The following MGAT4C variants were observed in gnomAD, a reference collection of about 807,000 sequenced individuals.
The protein encoded by MGAT4C is MGAT4 family member C.
In MGAT4C, 19 loss-of-function variants were observed where a neutral mutation model predicts 40.1. The observed-to-expected ratio is 0.47, with a 90% CI of 0.33 to 0.70. The LOEUF (loss-of-function observed/expected upper bound fraction) is 0.70, where lower values mean the gene tolerates loss of function less well. Ranked by LOEUF, MGAT4C falls within the 30% of genes least tolerant of loss-of-function variation. The pLI is 0.02. For missense variants in MGAT4C, 491 were observed against 563.2 expected, an observed-to-expected ratio of 0.87 and a Z score of 1.30; for synonymous variants, 181 against 187.1, an observed-to-expected ratio of 0.97 and a Z score of 0.27.
At chr12:85,997,111 T>C (rs935100996) in intron 2 of MGAT4C, among the ~76,000 whole-genome samples, 9 of 152,174 alleles carry the variant, frequency 5.9e-5, no homozygotes, top group Non-Finnish European at 1.0e-4. Context: ...ACAATCATGG[T>C]GGAAGGCAAG....
chr12:86,014,378 C>T (rs1055642068), intron 2 of MGAT4C, among the ~76,000 whole-genome samples: 1 of 152,080 alleles, frequency 6.6e-6, no homozygotes, highest in African/African-American at 2.4e-5. Context: ...AGATCTTGAT[C>T]CATTTCCAGC....
chr12:86,196,522 TA>T (rs1473371258), intron 1 of MGAT4C, among the ~76,000 whole-genome samples: 19 of 152,168 alleles, frequency 1.2e-4, no homozygotes, highest in African/African-American at 4.3e-4. Flanking sequence ...GTGATGGGAG[TA>T]GCAACTGTGC....
intron 2 of MGAT4C, among the ~76,000 whole-genome samples, chr12:86,027,342 A>T (rs1462349945): frequency 6.6e-6 from 1 of 151,876 alleles, no homozygotes; most frequent in Admixed American, 6.6e-5. Context: ...AAGATAATTT[A>T]AAATTTTTAT....
At chr12:86,747,046 A>G (rs971064318) in intron 1 of MGAT4C, among the ~76,000 whole-genome samples, 1 of 151,578 alleles carries the variant, frequency 6.6e-6, no homozygotes, top group South Asian at 2.1e-4. Flanking sequence ...GGGTGGCACT[A>G]AACTTGGAAC....
intron 4 of MGAT4C, among the ~76,000 whole-genome samples, chr12:86,266,675 T>C (rs1463026404): frequency 2.0e-5 from 3 of 152,194 alleles, no homozygotes; most frequent in Non-Finnish European, 2.9e-5. Flanking sequence ...AAAAATTCCC[T>C]CTTCCTCAAT....
chr12:86,751,113 G>C (rs1951225652), intron 1 of MGAT4C, among the ~76,000 whole-genome samples: 1 of 151,960 alleles, frequency 6.6e-6, no homozygotes, highest in African/African-American at 2.4e-5. Context: ...AACCAATGGA[G>C]GGAATGGGTT....
At chr12:86,244,998 G>A (rs1951963886) in intron 1 of MGAT4C, among the ~76,000 whole-genome samples, 1 of 152,068 alleles carries the variant, frequency 6.6e-6, no homozygotes, top group African/African-American at 2.4e-5. Flanking sequence ...AGGCAACTGG[G>A]GCACAGAGAA....
intron 1 of MGAT4C, among the ~76,000 whole-genome samples, chr12:86,211,710 C>T (rs1389702000): frequency 2.0e-5 from 3 of 152,116 alleles, no homozygotes; most frequent in African/African-American, 7.2e-5. Context: ...AAGTTCTAAC[C>T]ATTTCCCTTG....
In MGAT4C at chr12:85,965,782, G is replaced by T. The variant is rs1183202231; in HGVS notation, c.*13507C>A. 6.6e-6 allele frequency: 1 copy of T among 151,928 alleles called. No homozygotes were observed. Among genetic ancestry groups the T allele is most frequent in the Non-Finnish European group, 1.5e-5 (1 of 67,974 alleles). 9.4% of individuals were successfully genotyped at this position (151,928 alleles called of 1,614,324 possible). Reference sequence around the variant, plus strand: ...TGGTTTAACTTAAAAACTTAGAATTGTCAATTCTGTCCAAGTCTCTGAGTC... The same window carrying T: ...TGGTTTAACTTAAAAACTTAGAATTTTCAATTCTGTCCAAGTCTCTGAGTC... On this transcript the variant is annotated 3_prime_UTR_variant, in exon 5 of 5. Transcript: ENST00000611864.
At position 86,115,273 on chromosome 12, in the gene MGAT4C, G is replaced by C. The variant is rs115623852; in HGVS notation, c.-56-65550C>G. 2.7e-3 allele frequency among the ~76,000 whole-genome samples: 413 copies of C among 151,944 alleles called. 2 individuals carry two copies. The highest frequency in any genetic ancestry group is 9.2e-3 in the African/African-American group (380 of 41,484). ...ATAATGATATTTTATGGATAAAAAA[G>C]GTTCACTGAGATTAAGAACAAACTG... On this transcript the variant is annotated intron_variant, in intron 1 of 4. Transcript: ENST00000611864.
intron 3 of MGAT4C, among the ~76,000 whole-genome samples, chr12:86,357,824 C>T (rs1040038871): frequency 6.6e-6 from 1 of 152,062 alleles, no homozygotes; most frequent in African/African-American, 2.4e-5. Flanking sequence ...AAACATGGGA[C>T]TATGTGAAAA....
intron 3 of MGAT4C, among the ~76,000 whole-genome samples, chr12:86,421,752 G>A (rs572394859): frequency 6.6e-6 from 1 of 152,276 alleles, no homozygotes; most frequent in South Asian, 2.1e-4. Flanking sequence ...ACTCCAGCCT[G>A]GGCGACAAGA....
In MGAT4C at chr12:86,592,924, G is replaced by T. The variant is rs191129358; in HGVS notation, c.-229+134285C>A. Among the ~76,000 whole-genome samples, 354 of 152,246 alleles carry T rather than the reference G, an allele frequency of 2.3e-3. 1 individual carries two copies. Among genetic ancestry groups the T allele is most frequent in the Non-Finnish European group, 3.2e-3 (216 of 68,012 alleles). ...ATATCAACTGTTGGATTGAAAAGTT[G>T]CATAGCAGTCATTTGTGAACACAAA... On this transcript the variant is annotated intron_variant, in intron 2 of 7. Coordinates refer to the MGAT4C transcript ENST00000548651.
intron 2 of MGAT4C, among the ~76,000 whole-genome samples, chr12:86,681,600 T>C (rs1180513603): frequency 6.6e-6 from 1 of 151,992 alleles, no homozygotes; most frequent in Non-Finnish European, 1.5e-5. Context: ...TAGGAAATTT[T>C]CAATCTTCTA....
intron 2 of MGAT4C, among the ~76,000 whole-genome samples, chr12:86,047,199 G>A (rs1892484461): frequency 6.6e-6 from 1 of 152,020 alleles, no homozygotes; most frequent in African/African-American, 2.4e-5. Context: ...CATAGCAGTT[G>A]TTTATAAAGA....
At chr12:86,185,340 C>T (rs991761963) in intron 1 of MGAT4C, among the ~76,000 whole-genome samples, 1 of 152,066 alleles carries the variant, frequency 6.6e-6, no homozygotes, top group Non-Finnish European at 1.5e-5. Context: ...ATATGGTATA[C>T]ACAAAATATG....
intron 2 of MGAT4C, among the ~76,000 whole-genome samples, chr12:86,555,452 G>A (rs990779120): frequency 1.9e-4 from 29 of 152,040 alleles, no homozygotes; most frequent in African/African-American, 6.0e-4. Context: ...GAACATGTCC[G>A]GGGTCCAGGG....
Position 85,958,040 on chromosome 12 carries a change from TGTG to T in MGAT4C, c.*21246_*21248del, listed in dbSNP as rs1565788582. 2.2e-3 allele frequency: 130 copies of T among 59,654 alleles called. 1 individual carries two copies. The highest frequency in any genetic ancestry group is 3.3e-3 in the Admixed American group (23 of 6,916). 3.7% of individuals were successfully genotyped at this position (59,654 alleles called of 1,614,324 possible). A position where few individuals can be genotyped will look rare whatever the true frequency, so the allele number is the denominator to read the frequency against. On this transcript the variant is annotated 3_prime_UTR_variant, in exon 5 of 5. Transcript: ENST00000611864. ...TTTACAGTTTTTCTAAGTGTTTTTG[TGTG>T]TGTGTGTGTGTGTGTGTGTGTGTGT...
At chr12:86,776,393 T>C (rs1593197476) in intron 1 of MGAT4C, among the ~76,000 whole-genome samples, 1 of 152,094 alleles carries the variant, frequency 6.6e-6, no homozygotes, top group South Asian at 2.1e-4. Context: ...CTTAAATTTG[T>C]ATAAATGTTT....
Sources: allele counts gnomAD v4.1 joint callset (sites outside exome capture counted in the v4.1 genomes callset), GRCh38; gene constraint gnomAD v4.1.1; transcripts MANE v1.5; gene names NCBI Gene and HGNC (gene_info 2026-07-23, HGNC 2026-07-21).